Variants in DLG2 observed in about 807,000 individuals in gnomAD.
The protein encoded by DLG2 is discs large MAGUK scaffold protein 2.
A neutral mutation model predicts 132.5 loss-of-function variants in DLG2; 45 were observed. The ratio of observed to expected loss-of-function variants is 0.34; its 90% CI spans 0.27 to 0.44. DLG2 has a LOEUF of 0.44. DLG2 is among the 20% of genes least tolerant of loss of function. DLG2 has a pLI of 1.00. For synonymous variants in DLG2, 424 were observed against 419.6 expected, an observed-to-expected ratio of 1.01 and a Z score of -0.13; for missense variants, 1,045 against 1,196.9, an observed-to-expected ratio of 0.87 and a Z score of 1.87.
At chr11:84,151,915 G>C (rs1057027981) in intron 9 of DLG2, among the ~76,000 whole-genome samples, 2 of 152,078 alleles carry the variant, frequency 1.3e-5, no homozygotes, top group Admixed American at 1.3e-4. Flanking sequence ...AGTATGTTTG[G>C]TATGATTTTT....
chr11:83,783,856 C>A lies in DLG2; in HGVS notation c.1825+2834G>T, dbSNP rs183918346. Among the ~76,000 whole-genome samples, 11 of 152,112 alleles carry A rather than the reference C, an allele frequency of 7.2e-5. No individual in the cohort carries two copies. In the East Asian group the frequency reaches 2.1e-3, roughly 29 times the overall value. ...TCCTTTCTCTGACATTCCATAATTCCTAGAAATACTGCTGCTAAGATCATT... is the reference window on the plus strand; with the variant it reads ...TCCTTTCTCTGACATTCCATAATTCATAGAAATACTGCTGCTAAGATCATT... On this transcript the variant is annotated intron_variant, in intron 18 of 27. Transcript: ENST00000376104.
At chr11:85,315,508 A>T (rs2080600221) in intron 3 of DLG2, among the ~76,000 whole-genome samples, 1 of 151,916 alleles carries the variant, frequency 6.6e-6, no homozygotes, top group Non-Finnish European at 1.5e-5. Flanking sequence ...CTGGTGTAAG[A>T]CTGCTCTACA....
chr11:83,797,679 CAGCTAATTTTATGTATTTTTAGT>C lies in DLG2; in HGVS notation c.1723-10910_1723-10888del, dbSNP rs537418671. Among the ~76,000 whole-genome samples the C allele has an allele frequency of 6.4e-4, 97 of 152,176 alleles. 4 individuals carry two copies. The South Asian group carries it at 0.02, about 31-fold the overall frequency. On this transcript the variant is annotated intron_variant, in intron 17 of 27. Transcript: ENST00000376104. ...GACTACAGGCACTCGCCACCATGCCCAGCTAATTTTATGTATTTTTAGTAGAGATGGGGTTTCACTGTATTAGC... is the reference window on the plus strand; with the variant it reads ...GACTACAGGCACTCGCCACCATGCCCAGAGATGGGGTTTCACTGTATTAGC...
chr11:84,969,403 T>G (rs1292001605), intron 6 of DLG2, among the ~76,000 whole-genome samples: 1 of 152,176 alleles, frequency 6.6e-6, no homozygotes, highest in African/African-American at 2.4e-5. Context: ...AAAACCACAG[T>G]GGCTCTCATT....
chr11:84,597,241 A>T (rs1321342760), intron 6 of DLG2, among the ~76,000 whole-genome samples: 3 of 152,208 alleles, frequency 2.0e-5, no homozygotes, highest in Non-Finnish European at 4.4e-5. Flanking sequence ...AAAGAAAAAA[A>T]AATGAATGAA....
chr11:84,006,866 C>G (rs963102381), intron 11 of DLG2, among the ~76,000 whole-genome samples: 8 of 151,654 alleles, frequency 5.3e-5, no homozygotes, highest in Admixed American at 3.3e-4. Context: ...TCCTTGTTCC[C>G]CCAACACTGA....
At chr11:83,514,336 T>C (rs2095197202) in intron 21 of DLG2, among the ~76,000 whole-genome samples, 1 of 152,122 alleles carries the variant, frequency 6.6e-6, no homozygotes, top group Admixed American at 6.5e-5. Flanking sequence ...TGTTTGTCTG[T>C]TGTTGGTGTA....
At chr11:85,279,397 A>T (rs908785799) in intron 4 of DLG2, among the ~76,000 whole-genome samples, 1 of 152,074 alleles carries the variant, frequency 6.6e-6, no homozygotes, top group Non-Finnish European at 1.5e-5. Context: ...GAGGAGAGAG[A>T]AAGGAAACAG....
chr11:85,073,750 G>T (rs1347601033), intron 6 of DLG2, among the ~76,000 whole-genome samples: 2 of 151,770 alleles, frequency 1.3e-5, no homozygotes, highest in African/African-American at 4.8e-5. Flanking sequence ...CCACTATTGG[G>T]CATATATCCA....
intron 11 of DLG2, among the ~76,000 whole-genome samples, chr11:84,054,312 G>A (rs928100746): frequency 1.3e-5 from 2 of 152,102 alleles, no homozygotes; most frequent in Admixed American, 6.6e-5. Context: ...AAGTCACTAG[G>A]AAGCCTTTTA....
chr11:84,360,418 G>A (rs577051577), intron 7 of DLG2, among the ~76,000 whole-genome samples: 1 of 151,872 alleles, frequency 6.6e-6, no homozygotes, highest in African/African-American at 2.4e-5. Context: ...TAGCTACGAG[G>A]GAAATTGCCC....
At chr11:85,498,744 T>G (rs2093726361) in intron 3 of DLG2, among the ~76,000 whole-genome samples, 1 of 152,208 alleles carries the variant, frequency 6.6e-6, no homozygotes, top group Non-Finnish European at 1.5e-5. Flanking sequence ...CAGACCACAG[T>G]GCAATCAAAT....
chr11:85,570,616 G>A (rs1259744356), intron 3 of DLG2, among the ~76,000 whole-genome samples: 1 of 152,076 alleles, frequency 6.6e-6, no homozygotes, highest in African/African-American at 2.4e-5. Context: ...TAGGTTAATG[G>A]TTTGCATCAA....
At chr11:84,502,827 T>C (rs17734854) in intron 7 of DLG2, among the ~76,000 whole-genome samples, 18,529 of 151,946 alleles carry the variant, frequency 0.12, 1,414 homozygotes, top group South Asian at 0.21. Context: ...AGTAGGCAAA[T>C]ATGCAAGGGG....
chr11:85,603,822 T>C (rs2080332331), intron 2 of DLG2, among the ~76,000 whole-genome samples: 1 of 152,192 alleles, frequency 6.6e-6, no homozygotes, highest in Admixed American at 6.5e-5. Context: ...AAGGCTGAGA[T>C]GGGAGGATCA....
chr11:83,805,409 T>A (rs1444060538), intron 17 of DLG2, among the ~76,000 whole-genome samples: 1 of 151,764 alleles, frequency 6.6e-6, no homozygotes, highest in African/African-American at 2.4e-5. Context: ...TGATATATCA[T>A]GACATAATTT....
intron 4 of DLG2, among the ~76,000 whole-genome samples, chr11:85,211,285 G>C (rs143265732): frequency 0.016 from 2,426 of 152,164 alleles, 30 homozygotes; most frequent in Middle Eastern, 0.041. Flanking sequence ...TAGTGGAAGA[G>C]ATAAATATAT....
At chr11:84,843,443 T>C (rs1252187680) in intron 6 of DLG2, among the ~76,000 whole-genome samples, 1 of 151,850 alleles carries the variant, frequency 6.6e-6, no homozygotes, top group Non-Finnish European at 1.5e-5. Flanking sequence ...ATGATAAACA[T>C]ATTCCCCAGA....
intron 6 of DLG2, among the ~76,000 whole-genome samples, chr11:84,900,967 C>T (rs1163528887): frequency 3.3e-5 from 5 of 151,964 alleles, no homozygotes; most frequent in African/African-American, 1.2e-4. Context: ...TCATGTTTTT[C>T]CTTCCAGCCT....
Sources: gnomAD v4.1 joint callset for allele counts (sites outside exome capture counted in the v4.1 genomes callset) on GRCh38, gnomAD v4.1.1 for gene constraint, MANE v1.5 for transcripts, NCBI Gene and HGNC (gene_info 2026-07-23, HGNC 2026-07-21) for gene names.